The following HMCN2 variants were observed in gnomAD, a reference collection of about 807,000 sequenced individuals.
The protein encoded by HMCN2 is hemicentin 2, also known as hemicentin-2.
HMCN2 carries 325 observed loss-of-function variants against 377.5 expected under a neutral mutation model. The ratio of observed to expected loss-of-function variants is 0.86; its 90% CI spans 0.79 to 0.94. HMCN2 has a LOEUF of 0.94. HMCN2 is among the 40% of genes least tolerant of loss of function. The pLI, the probability that HMCN2 is intolerant of heterozygous loss-of-function variation, is 0.00. For synonymous variants in HMCN2, 2,007 were observed against 2,046.8 expected (o/e 0.98, Z 0.53); for missense variants, 4,543 against 4,725.3 (o/e 0.96, Z 1.13).
intron 87 of HMCN2, among the ~76,000 whole-genome samples, chr9:130,424,268 T>C (rs1288504273): frequency 6.6e-6 from 1 of 151,476 alleles, no homozygotes; most frequent in Non-Finnish European, 1.5e-5. Context: ...AAGCTCTGCC[T>C]TCCGGGTTCA....
chr9:130,430,402 C>T lies in HMCN2; in HGVS notation c.14445C>T (p.Cys4815=). The change falls in exon 95 of 98, where the codon TGC becomes TGT. Residue 4815 remains cysteine, a synonymous_variant. Coordinates refer to ENST00000683500, the MANE Select transcript of HMCN2 (RefSeq NM_001291815.2). ...GQTLLRDGKA[C]TSLERNGQNV... ...CCCTCCTTCGCGACGGCAAGGCCTG[C>T]ACCTCACTGGAGCGGAATGGACAAA... is the stretch of plus-strand genomic sequence containing the variant. 1 of 1,550,462 alleles carries T rather than the reference C, an allele frequency of 6.4e-7. No homozygotes were observed. Among genetic ancestry groups the T allele is most frequent in the South Asian group, 1.2e-5 (1 of 84,066 alleles).
intron 21 of HMCN2, among the ~76,000 whole-genome samples, chr9:130,326,874 G>A (rs927195543): frequency 2.6e-5 from 4 of 152,170 alleles, no homozygotes; most frequent in Non-Finnish European, 5.9e-5. Context: ...ACCAGGCTTC[G>A]AGAGGTCCAG....
Position 130,396,007 on chromosome 9 carries a change from C to A in HMCN2, c.10995C>A (p.Ser3665Arg), listed in dbSNP as rs1399953872. 29 of 1,287,436 alleles carry A rather than the reference C, an allele frequency of 2.3e-5. No homozygotes were observed. Among genetic ancestry groups the A allele is most frequent in the Non-Finnish European group, 2.9e-5 (29 of 988,764 alleles). The allele number at this position is 1,287,436 out of a possible 1,614,324, so 79.8% of individuals were successfully genotyped here. A position where few individuals can be genotyped will look rare whatever the true frequency, so the allele number is the denominator to read the frequency against. Residue 3665 changes from serine (S) to arginine (R), a missense_variant, in exon 72 of 98, where the codon AGC becomes AGA. Physicochemically the swap from Ser to Arg is moderately radical, Grantham distance 110 (BLOSUM62 -1). Transcript: ENST00000683500. Reference protein sequence around the residue: ...ALSTADSGDYSCTARNAAGST... With the variant: ...ALSTADSGDYRCTARNAAGST... ...GCACGGCTGACAGCGGCGACTACAG[C>A]TGCACAGCCCGCAACGCCGCAGGCA...
intron 15 of HMCN2, among the ~76,000 whole-genome samples, chr9:130,317,564 G>T (rs1182624108): frequency 2.7e-5 from 4 of 148,974 alleles, no homozygotes; most frequent in African/African-American, 9.9e-5. Context: ...GTGCTATCTC[G>T]GCTCCCTCCA....
intron 85 of HMCN2, among the ~76,000 whole-genome samples, chr9:130,413,757 A>G (rs11244243): frequency 0.33 from 49,385 of 151,710 alleles, 9,083 homozygotes; most frequent in Middle Eastern, 0.49. Flanking sequence ...ACACACGCAC[A>G]CACACACACG....
chr9:130,303,469 A>G lies in HMCN2; in HGVS notation c.1422-18A>G, dbSNP rs574411774. The G allele has an allele frequency of 1.7e-4, 74 of 444,924 alleles. 1 individual carries two copies. The highest frequency in any genetic ancestry group is 1.2e-3 in the South Asian group (72 of 61,680). 27.6% of individuals were successfully genotyped at this position (444,924 alleles called of 1,614,324 possible). ...GGGTCAGTGTGATTGTGTGTCTCCC[A>G]CTGTTCCCTGTTTGCAGGGAGTCGG... On this transcript the variant is annotated intron_variant, in intron 9 of 97. Coordinates refer to ENST00000683500, the MANE Select transcript of HMCN2 (RefSeq NM_001291815.2). This position sits in a 1 kb window ranked among gnomAD's most constrained non-coding sequence, Gnocchi z 5.2.
Position 130,369,081 on chromosome 9 carries a change from C to T in HMCN2, c.6788-489C>T, listed in dbSNP as rs1055502127. On this transcript the variant is annotated intron_variant, in intron 44 of 97. Coordinates refer to ENST00000683500, the MANE Select transcript of HMCN2 (RefSeq NM_001291815.2). This position sits in a 1 kb window ranked among gnomAD's most constrained non-coding sequence, Gnocchi z 4.5. ...GCCACATCTGAAACAGCTGGAAACC[C>T]GAAAGAAGCATGAGTATTATGTGAA... is the stretch of plus-strand genomic sequence containing the variant. 2.0e-5 allele frequency among the ~76,000 whole-genome samples: 3 copies of T among 152,160 alleles called. No individual in the cohort carries two copies. Among genetic ancestry groups the T allele is most frequent in the South Asian group, 4.1e-4 (2 of 4,826 alleles).
At chr9:130,269,404 G>T (rs1336499832) in intron 1 of HMCN2, among the ~76,000 whole-genome samples, 1 of 146,368 alleles carries the variant, frequency 6.8e-6, no homozygotes, top group African/African-American at 2.5e-5. Context: ...TCTTTGATTG[G>T]TTTTTACGTA....
In HMCN2 at chr9:130,320,757, C is replaced by G. The variant is rs1837806873; in HGVS notation, c.2648-19C>G. ...CCCAGGGCACCTATTGTGGCTGACA[C>G]CGGCTCCTCTCCCCACAGCCCCGCC... On this transcript the variant is annotated intron_variant, in intron 17 of 97. Coordinates refer to ENST00000683500, the MANE Select transcript of HMCN2 (RefSeq NM_001291815.2). 1 of 152,296 alleles carries G rather than the reference C, an allele frequency of 6.6e-6. No homozygotes were observed. The highest frequency in any genetic ancestry group is 6.5e-5 in the Admixed American group (1 of 15,286). The allele number at this position is 152,296 out of a possible 1,614,324, so 9.4% of individuals were successfully genotyped here. A position where few individuals can be genotyped will look rare whatever the true frequency, so the allele number is the denominator to read the frequency against.
chr9:130,348,470 G>A, intron 26 of HMCN2, 75 bp from the exon 27 acceptor site: 1 of 1,262,020 alleles, frequency 7.9e-7, no homozygotes, highest in Non-Finnish European at 1.0e-6. Context: ...GGGAGGGAAT[G>A]GCCCAGATGA....
At chr9:130,359,629 A>G (rs1338915144) in intron 37 of HMCN2, among the ~76,000 whole-genome samples, 1 of 152,206 alleles carries the variant, frequency 6.6e-6, no homozygotes, top group Non-Finnish European at 1.5e-5. Context: ...ACAGGCCTGC[A>G]GGACATCTAC....
Position 130,403,264 on chromosome 9 carries a change from C to A in HMCN2, c.11949C>A (p.Cys3983Ter). 3.1e-6 allele frequency: 4 copies of A among 1,289,774 alleles called. No individual in the cohort carries two copies. Among genetic ancestry groups the A allele is most frequent in the Non-Finnish European group, 4.0e-6 (4 of 988,854 alleles). 79.9% of individuals were successfully genotyped at this position (1,289,774 alleles called of 1,614,324 possible). The change falls in exon 79 of 98, where the codon TGC becomes TGA. Residue 3983 changes from cysteine to a stop codon, truncating the protein, a stop_gained. Coordinates refer to ENST00000683500, the MANE Select transcript of HMCN2 (RefSeq NM_001291815.2). LOFTEE classifies it high-confidence loss of function. ...AVAEEEVLLP[C>*]EASGIPRPTI... ...CAGAGGAGGAGGTGCTGCTGCCCTG[C>A]GAGGCCTCAGGCATCCCCCGGCCGA... is the stretch of plus-strand genomic sequence containing the variant.
In HMCN2 at chr9:130,375,811, C is replaced by A. The variant is rs148018212; in HGVS notation, c.7805-65C>A. On this transcript the variant is annotated intron_variant, in intron 50 of 97. Coordinates refer to ENST00000683500, the MANE Select transcript of HMCN2 (RefSeq NM_001291815.2). ...AGAATTGGAGGAGAGGACCTGTGAG[C>A]CTGTCCTCATGCCTGGCATGAGGCT... 1.5e-4 allele frequency: 152 copies of A among 981,676 alleles called. 1 individual carries two copies. The East Asian group carries it at 0.016, about 104-fold the overall frequency. The allele number at this position is 981,676 out of a possible 1,614,324, so 60.8% of individuals were successfully genotyped here.
chr9:130,291,671 A>T (rs951740216), intron 4 of HMCN2, among the ~76,000 whole-genome samples: 2 of 152,214 alleles, frequency 1.3e-5, no homozygotes, highest in African/African-American at 2.4e-5. Flanking sequence ...TTTTTGCTGA[A>T]TCATGACACC....
At position 130,385,661 on chromosome 9, in the gene HMCN2, G is replaced by A. The variant is rs571592638; in HGVS notation, c.9208G>A (p.Glu3070Lys). 58 of 1,304,240 alleles carry A rather than the reference G, an allele frequency of 4.4e-5. 1 individual carries two copies. The South Asian group carries it at 7.2e-4, about 16-fold the overall frequency. 80.8% of individuals were successfully genotyped at this position (1,304,240 alleles called of 1,614,324 possible). ...VLSCETDALP[E>K]PTVTWYKDGQ... Reference sequence around the variant, plus strand: ...GAGCTGCGAGACAGATGCGCTCCCTGAGCCAACTGTGACCTGGTACAAGGA... The same window carrying A: ...GAGCTGCGAGACAGATGCGCTCCCTAAGCCAACTGTGACCTGGTACAAGGA... The change falls in exon 60 of 98, where the codon GAG (glutamate) becomes AAG (lysine). Residue 3070 changes from glutamate (E) to lysine (K), a missense_variant. Physicochemically the swap from Glu to Lys is moderately conservative, Grantham distance 56. Coordinates refer to ENST00000683500, the MANE Select transcript of HMCN2 (RefSeq NM_001291815.2).
rs1449182223 is a variant in HMCN2 at position 130,320,346 on chromosome 9, T to C, written c.2552-10T>C. The C allele has an allele frequency of 1.3e-5, 2 of 152,344 alleles. No homozygotes were observed. The highest frequency in any genetic ancestry group is 4.8e-5 in the African/African-American group (2 of 41,454). 9.4% of individuals were successfully genotyped at this position (152,344 alleles called of 1,614,324 possible). A position where few individuals can be genotyped will look rare whatever the true frequency, so the allele number is the denominator to read the frequency against. On this transcript the variant is annotated splice_polypyrimidine_tract_variant and intron_variant, in intron 16 of 97. Transcript: ENST00000683500. ...TTGGCAGTCACACCTGCCTCTCTCG[T>C]GCCCCTCAGGTGTGGCCCCAGAAGA...
chr9:130,349,237 G>A, intron 28 of HMCN2, 106 bp downstream of exon 28: 1 of 1,131,598 alleles, frequency 8.8e-7, no homozygotes, highest in Non-Finnish European at 1.2e-6. Flanking sequence ...CGGAGAGCAG[G>A]GGGCACAGAG....
intron 95 of HMCN2, 106 bp downstream of exon 95, chr9:130,430,710 C>A: frequency 9.2e-7 from 1 of 1,081,954 alleles, no homozygotes; most frequent in Non-Finnish European, 1.3e-6. Flanking sequence ...CCCAGACCTT[C>A]CAGGCAAGTG....
intron 74 of HMCN2, among the ~76,000 whole-genome samples, chr9:130,398,178 A>AAAAAG (rs1842701343): frequency 6.7e-6 from 1 of 148,372 alleles, no homozygotes; most frequent in African/African-American, 2.5e-5. Context: ...AAAAAAAAAA[A>AAAAAG]GTAAAACATG....
Sources: allele counts gnomAD v4.1 joint callset (sites outside exome capture counted in the v4.1 genomes callset), GRCh38; gene constraint gnomAD v4.1.1; non-coding constraint Gnocchi (gnomAD v3.1); transcripts MANE v1.5; gene names NCBI Gene and HGNC (gene_info 2026-07-23, HGNC 2026-07-21).